Variants in AHRR observed in about 807,000 individuals in gnomAD.
The protein encoded by AHRR is ahR repressor.
A neutral mutation model predicts 44.0 loss-of-function variants in AHRR; 28 were observed. The ratio of observed to expected loss-of-function variants is 0.64; its 90% CI spans 0.47 to 0.87. The LOEUF (loss-of-function observed/expected upper bound fraction) is 0.87, where lower values mean the gene tolerates loss of function less well. Among genes scored for constraint, AHRR ranks in the 40% least tolerant of loss-of-function variants. The pLI is 0.00. For missense variants in AHRR, 990 were observed against 953.9 expected, an observed-to-expected ratio of 1.04 and a Z score of -0.50; for synonymous variants, 434 against 407.0, an observed-to-expected ratio of 1.07 and a Z score of -0.80.
intron 4 of AHRR, among the ~76,000 whole-genome samples, chr5:403,397 A>T (rs1735105384): frequency 6.6e-6 from 1 of 152,168 alleles, no homozygotes; most frequent in Non-Finnish European, 1.5e-5. Context: ...GCACTTTGGG[A>T]GGCCAAGGCG....
At chr5:361,411 C>T (rs565917619) in intron 3 of AHRR, among the ~76,000 whole-genome samples, 49 of 152,302 alleles carry the variant, frequency 3.2e-4, no homozygotes, top group Admixed American at 3.0e-3. Flanking sequence ...GAGAACAGGA[C>T]GGGAGGTAGT....
intron 1 of AHRR, among the ~76,000 whole-genome samples, chr5:328,566 G>C (rs1741804528): frequency 6.6e-6 from 1 of 151,966 alleles, no homozygotes; most frequent in Non-Finnish European, 1.5e-5. Context: ...TTTAATAATA[G>C]CCATTCTGAC....
In AHRR at chr5:376,604, T is replaced by C. The variant is rs776606556; in HGVS notation, c.245-6T>C. ...GGTGCCTAATGTGTCTTTTCTTCTC[T>C]GACAGTCGTGCAGGAGCAGAGCTCA... On this transcript the variant is annotated splice_region_variant and splice_polypyrimidine_tract_variant and intron_variant, in intron 3 of 10. Coordinates refer to ENST00000684583, the MANE Select transcript of AHRR (RefSeq NM_001377236.1). 2.0e-6 allele frequency: 2 copies of C among 975,618 alleles called. No homozygotes were observed. Among genetic ancestry groups the C allele is most frequent in the Non-Finnish European group, 2.4e-6 (2 of 820,744 alleles). 60.4% of individuals were successfully genotyped at this position (975,618 alleles called of 1,614,324 possible). A position where few individuals can be genotyped will look rare whatever the true frequency, so the allele number is the denominator to read the frequency against.
In AHRR at chr5:404,796, G is replaced by A. The variant is rs146608253; in HGVS notation, c.352-8548G>A. On this transcript the variant is annotated intron_variant, in intron 4 of 10. Coordinates refer to ENST00000684583, the MANE Select transcript of AHRR (RefSeq NM_001377236.1). This position sits in a 1 kb window ranked among gnomAD's most constrained non-coding sequence, Gnocchi z 4.1. ...GGTGTTATGTTTTTAGGTGAAAATC[G>A]GAGGTGGCGCAGGACATGGTGAGAT... Among the ~76,000 whole-genome samples, 427 of 152,214 alleles carry A rather than the reference G, an allele frequency of 2.8e-3. 1 individual carries two copies. The highest frequency in any genetic ancestry group is 4.0e-3 in the Non-Finnish European group (275 of 68,014).
At chr5:369,452 C>T (rs944653650) in intron 3 of AHRR, among the ~76,000 whole-genome samples, 1 of 152,244 alleles carries the variant, frequency 6.6e-6, no homozygotes, top group African/African-American at 2.4e-5. Context: ...GGCACATGCT[C>T]CTTGCAGATG....
At chr5:430,495 C>T (rs183375026) in intron 8 of AHRR, among the ~76,000 whole-genome samples, 2 of 152,342 alleles carry the variant, frequency 1.3e-5, no homozygotes, top group Admixed American at 1.3e-4. Flanking sequence ...GGCTCTGGGA[C>T]GCCCTGCTCA....
chr5:373,897 G>T (rs1221231225), intron 3 of AHRR, among the ~76,000 whole-genome samples: 1 of 150,888 alleles, frequency 6.6e-6, no homozygotes, highest in Non-Finnish European at 1.5e-5. Context: ...TGGCCCCATC[G>T]CGTGACGGCG....
Position 434,741 on chromosome 5 carries a change from TCA to T in AHRR, c.2004_2005del (p.His668GlnfsTer33). The T allele has an allele frequency of 6.4e-7, 1 of 1,569,334 alleles. No homozygotes were observed. The highest frequency in any genetic ancestry group is 2.4e-5 in the East Asian group (1 of 42,332). ...EPLDSPQWAT[H>X]SQGMVPGMLP... ...CCTTGGACTCACCCCAGTGGGCTAC[TCA>T]CAGCCAGGGAATGGTGCCCGGGATG... is the stretch of plus-strand genomic sequence containing the variant. On this transcript the variant is annotated frameshift_variant, in exon 11 of 11. Coordinates refer to ENST00000684583, the MANE Select transcript of AHRR (RefSeq NM_001377236.1).
chr5:417,498 T>C (rs1437257486), intron 5 of AHRR, among the ~76,000 whole-genome samples: 1 of 152,250 alleles, frequency 6.6e-6, no homozygotes, highest in African/African-American at 2.4e-5. Flanking sequence ...GTCTGCCTTC[T>C]GCATGCTCAG....
intron 4 of AHRR, among the ~76,000 whole-genome samples, chr5:385,245 C>T (rs1229550650): frequency 6.6e-6 from 1 of 151,772 alleles, no homozygotes; most frequent in African/African-American, 2.4e-5. Context: ...CATGATCATA[C>T]CTTACTGTAA....
At chr5:367,814 G>T (rs1208663700) in intron 3 of AHRR, 1 of 702,424 alleles carries the variant, frequency 1.4e-6, no homozygotes, top group South Asian at 1.5e-5. Flanking sequence ...CCAGGACAGG[G>T]GTTGGCAGTG....
chr5:376,518 T>TGTGAATGAATGAGAACCGTGGGGG, intron 3 of AHRR, 92 bp from the exon 4 acceptor site: 2 of 1,363,832 alleles, frequency 1.5e-6, no homozygotes, highest in South Asian at 1.5e-5. Context: ...AACCGTGGGG[T>TGTGAATGAATGAGAACCGTGGGGG]GAACGCGGGG....
intron 4 of AHRR, chr5:403,696 A>ATTTTTT: frequency 1.9e-6 from 1 of 530,792 alleles, no homozygotes; most frequent in South Asian, 3.5e-5. Context: ...TTTTTTTTTT[A>ATTTTTT]CTTTCTCTCA....
intron 5 of AHRR, chr5:420,817 C>CCACGCAGGCGCACATACGCTGG (rs1736054627): frequency 1.0e-5 from 1 of 100,368 alleles, no homozygotes; most frequent in African/African-American, 6.7e-5. Flanking sequence ...AGCCACCCAC[C>CCACGCAGGCGCACATACGCTGG]CACGCAGCCA....
At chr5:433,694 G>T (rs559049667) in intron 10 of AHRR, among the ~76,000 whole-genome samples, 159 bp from the exon 11 acceptor site, 11 of 152,216 alleles carry the variant, frequency 7.2e-5, no homozygotes, top group Non-Finnish European at 1.2e-4. Context: ...TGGGCTGCTG[G>T]GGGGGTTAGA....
At chr5:421,340 G>A (rs11741954) in intron 5 of AHRR, 9 of 689,018 alleles carry the variant, frequency 1.3e-5, no homozygotes, top group Admixed American at 4.1e-5. Context: ...GGGGGATGCC[G>A]GTGGGTATCA....
At chr5:399,247 G>T (rs1734907214) in intron 4 of AHRR, among the ~76,000 whole-genome samples, 1 of 152,218 alleles carries the variant, frequency 6.6e-6, no homozygotes, top group Admixed American at 6.5e-5. Flanking sequence ...TTAGGGATCG[G>T]CAGGGGTGGC....
At chr5:348,596 T>G (rs1742756706) in intron 2 of AHRR, among the ~76,000 whole-genome samples, 1 of 152,220 alleles carries the variant, frequency 6.6e-6, no homozygotes, top group South Asian at 2.1e-4. Flanking sequence ...CCTGGCATTT[T>G]GTGCAAATGG....
At chr5:432,994 T>G in intron 10 of AHRR, 47 bp downstream of exon 10, 1 of 1,528,058 alleles carries the variant, frequency 6.5e-7, no homozygotes, top group Non-Finnish European at 8.8e-7. Flanking sequence ...GCTCCCTAAG[T>G]CACCGTGGAG....
Sources: gnomAD v4.1 joint callset for allele counts (sites outside exome capture counted in the v4.1 genomes callset) on GRCh38, gnomAD v4.1.1 for gene constraint, Gnocchi (gnomAD v3.1) non-coding constraint, MANE v1.5 for transcripts, NCBI Gene and HGNC (gene_info 2026-07-23, HGNC 2026-07-21) for gene names.